MCU: variants seen among roughly 807,000 people sequenced by gnomAD.
MCU encodes calcium uniporter protein, mitochondrial.
A neutral mutation model predicts 45.2 loss-of-function variants in MCU; 12 were observed. That is an observed-to-expected ratio of 0.27 (90% CI 0.17 to 0.43). MCU has a LOEUF of 0.43. Ranked by LOEUF, MCU falls within the 20% of genes least tolerant of loss-of-function variation. The probability of loss-of-function intolerance (pLI) is 1.00; values close to 1 mark genes in which losing one functional copy is unlikely to be tolerated. For missense variants in MCU, 324 were observed against 436.7 expected (o/e 0.74, Z 2.30); for synonymous variants, 160 against 165.1 (o/e 0.97, Z 0.24).
chr10:72,790,498 T>C (rs1844142381), intron 1 of MCU, among the ~76,000 whole-genome samples: 1 of 152,160 alleles, frequency 6.6e-6, no homozygotes, highest in South Asian at 2.1e-4. Flanking sequence ...CTCTTAGAAA[T>C]TATGGTATTA....
chr10:72,775,813 G>A (rs1185220756), intron 1 of MCU, among the ~76,000 whole-genome samples: 1 of 152,098 alleles, frequency 6.6e-6, no homozygotes, highest in Non-Finnish European at 1.5e-5. Flanking sequence ...TACCAAGATT[G>A]AACCACGAAG....
In MCU at chr10:72,871,311, G is replaced by A. The variant is rs142555363; in HGVS notation, c.658-66G>A. 1.2e-3 allele frequency: 1,651 copies of A among 1,421,142 alleles called. 20 individuals are homozygous for A. In the African/African-American group the frequency reaches 0.021, roughly 18 times the overall value. The allele number at this position is 1,421,142 out of a possible 1,614,324, so 88.0% of individuals were successfully genotyped here. A position where few individuals can be genotyped will look rare whatever the true frequency, so the allele number is the denominator to read the frequency against. ...GAGCCCTGTTTCTTTAGTGAACATA[G>A]AACAGTTTAAGCCTTTTTAGATTGG... On this transcript the variant is annotated intron_variant, in intron 5 of 7. Transcript: ENST00000373053.
intron 1 of MCU, among the ~76,000 whole-genome samples, chr10:72,705,740 C>G (rs1228206122): frequency 1.3e-5 from 2 of 151,786 alleles, no homozygotes; most frequent in South Asian, 4.1e-4. Flanking sequence ...ATCATTTGAA[C>G]CCAGAGGTGA....
chr10:72,819,042 A>G (rs965922016), intron 1 of MCU, among the ~76,000 whole-genome samples: 1 of 152,182 alleles, frequency 6.6e-6, no homozygotes, highest in African/African-American at 2.4e-5. Context: ...CTGATGGGCA[A>G]GACAGAACAA....
At chr10:72,795,185 CATAGGTGACT>C (rs965666872) in intron 1 of MCU, among the ~76,000 whole-genome samples, 22 of 152,176 alleles carry the variant, frequency 1.4e-4, no homozygotes, top group African/African-American at 5.3e-4. Context: ...TCCACATTAC[CATAGGTGACT>C]ATATTGCCAA....
At chr10:72,716,379 A>G (rs767241592) in intron 1 of MCU, among the ~76,000 whole-genome samples, 4 of 152,244 alleles carry the variant, frequency 2.6e-5, no homozygotes, top group Non-Finnish European at 5.9e-5. Context: ...AAATATTTGC[A>G]ATATGCATAG....
chr10:72,705,222 C>T (rs1842804928), intron 1 of MCU, among the ~76,000 whole-genome samples: 1 of 152,024 alleles, frequency 6.6e-6, no homozygotes, highest in African/African-American at 2.4e-5. Flanking sequence ...GCAGCATGTG[C>T]AGGTTTGTTA....
At chr10:72,821,632 C>A (rs549541976) in intron 1 of MCU, among the ~76,000 whole-genome samples, 2 of 152,236 alleles carry the variant, frequency 1.3e-5, no homozygotes, top group East Asian at 1.9e-4. Context: ...TTAGAAAGTT[C>A]CTCACAACAA....
chr10:72,696,994 G>A (rs1360889572), intron 1 of MCU, among the ~76,000 whole-genome samples: 1 of 152,102 alleles, frequency 6.6e-6, no homozygotes, highest in Non-Finnish European at 1.5e-5. Flanking sequence ...GCCAGCAAAA[G>A]TATAATAATT....
intron 1 of MCU, among the ~76,000 whole-genome samples, chr10:72,743,013 A>C (rs980893083): frequency 1.3e-5 from 2 of 151,756 alleles, no homozygotes; most frequent in Non-Finnish European, 2.9e-5. Context: ...GAAGTGAGAG[A>C]GTATGAGAGA....
At chr10:72,693,173 A>T (rs1285307425) in intron 1 of MCU, 19 of 799,132 alleles carry the variant, frequency 2.4e-5, no homozygotes, top group Non-Finnish European at 3.6e-5. Flanking sequence ...CTCTTGGGTG[A>T]GTGTGTGTGT....
At chr10:72,840,883 G>C (rs1845038295) in intron 2 of MCU, among the ~76,000 whole-genome samples, 1 of 152,034 alleles carries the variant, frequency 6.6e-6, no homozygotes, top group South Asian at 2.1e-4. Context: ...TTTCTTGAAG[G>C]ATTCTTCAAG....
intron 1 of MCU, among the ~76,000 whole-genome samples, chr10:72,801,475 A>T (rs1263160163): frequency 6.7e-6 from 1 of 149,574 alleles, no homozygotes; most frequent in Non-Finnish European, 1.5e-5. Context: ...TTAGAACTTT[A>T]CCCTTCTGAC....
chr10:72,871,346 A>C, intron 5 of MCU, 31 bp from the exon 6 acceptor site: 1 of 1,606,816 alleles, frequency 6.2e-7, no homozygotes, highest in South Asian at 1.1e-5. Context: ...GTTTTATGTC[A>C]AAATGCCTTA....
At chr10:72,834,235 A>T (rs1377570150) in intron 1 of MCU, 124 bp from the exon 2 acceptor site, 9 of 548,606 alleles carry the variant, frequency 1.6e-5, no homozygotes, top group Non-Finnish European at 2.8e-5. Context: ...CTGTATTTTT[A>T]AAGTTTTCTA....
rs567400435 is a variant in MCU, at chr10:72,697,313, C to T, written c.150+5012C>T. Among the ~76,000 whole-genome samples the T allele has an allele frequency of 1.3e-4, 20 of 151,286 alleles. No individual in the cohort carries two copies. In the East Asian group the frequency reaches 3.3e-3, roughly 25 times the overall value. ...TGTATTTTTTGTAGAGACTGGGTTT[C>T]GCCATGTTGGCCAAGCTGGTCTCGA... On this transcript the variant is annotated intron_variant, in intron 1 of 7. Transcript: ENST00000373053.
chr10:72,801,186 A>C (rs558079579), intron 1 of MCU, among the ~76,000 whole-genome samples: 2 of 152,174 alleles, frequency 1.3e-5, no homozygotes, highest in Non-Finnish European at 2.9e-5. Context: ...GGCCATATTC[A>C]TAGTACTTTG....
intron 1 of MCU, among the ~76,000 whole-genome samples, chr10:72,801,683 T>C (rs1376461884): frequency 6.6e-6 from 1 of 151,310 alleles, no homozygotes; most frequent in African/African-American, 2.4e-5. Context: ...TCTTTTTTTT[T>C]TTTTTTAATA....
chr10:72,692,473 C>T (rs1842635004), intron 1 of MCU, 172 bp downstream of exon 1: 1 of 648,504 alleles, frequency 1.5e-6, no homozygotes, highest in Non-Finnish European at 1.9e-6. Context: ...CGGCGGCGAC[C>T]AGGAAGGGAG....
Sources: gnomAD v4.1 joint callset for allele counts (sites outside exome capture counted in the v4.1 genomes callset) on GRCh38, gnomAD v4.1.1 for gene constraint, MANE v1.5 for transcripts, NCBI Gene and HGNC (gene_info 2026-07-23, HGNC 2026-07-21) for gene names.